PARD3B: variants seen among roughly 807,000 people sequenced by gnomAD.
PARD3B encodes the protein par-3 family cell polarity regulator beta.
PARD3B carries 103 observed loss-of-function variants against 130.2 expected under a neutral mutation model. The ratio of observed to expected loss-of-function variants is 0.79; its 90% CI spans 0.67 to 0.93. The LOEUF (loss-of-function observed/expected upper bound fraction) is 0.93, where lower values mean the gene tolerates loss of function less well. Among genes scored for constraint, PARD3B ranks in the 40% least tolerant of loss-of-function variants. PARD3B has a pLI of 0.00. For missense variants in PARD3B, 1,609 were observed against 1,499.2 expected, an observed-to-expected ratio of 1.07 and a Z score of -1.21; for synonymous variants, 583 against 553.2, an observed-to-expected ratio of 1.05 and a Z score of -0.76.
At chr2:205,087,087 T>A (rs753619357) in intron 4 of PARD3B, among the ~76,000 whole-genome samples, 12 of 152,202 alleles carry the variant, frequency 7.9e-5, no homozygotes, top group Non-Finnish European at 1.8e-4. Context: ...GCATTTTTAT[T>A]TTTTCATATT....
At chr2:205,286,221 A>C (rs2041390609) in intron 16 of PARD3B, among the ~76,000 whole-genome samples, 1 of 152,150 alleles carries the variant, frequency 6.6e-6, no homozygotes, top group Non-Finnish European at 1.5e-5. Flanking sequence ...GTTAACTTAG[A>C]CAAGTTACTT....
At chr2:205,102,573 A>C (rs1702857411) in intron 4 of PARD3B, among the ~76,000 whole-genome samples, 1 of 152,148 alleles carries the variant, frequency 6.6e-6, no homozygotes, top group Non-Finnish European at 1.5e-5. Flanking sequence ...AGTGTTCTTT[A>C]GCCTTATGGA....
At chr2:204,994,840 T>A (rs1388741594) in intron 3 of PARD3B, among the ~76,000 whole-genome samples, 2 of 151,592 alleles carry the variant, frequency 1.3e-5, no homozygotes, top group Non-Finnish European at 2.9e-5. Context: ...TGTAATGGCC[T>A]TCTTTGTCTC....
At chr2:205,519,293 A>G (rs911802112) in intron 21 of PARD3B, among the ~76,000 whole-genome samples, 10 of 152,008 alleles carry the variant, frequency 6.6e-5, no homozygotes. Flanking sequence ...TTTTTTCTCT[A>G]CTTTTGTCTG....
chr2:204,829,119 C>T (rs1164051102), intron 2 of PARD3B, among the ~76,000 whole-genome samples: 1 of 152,134 alleles, frequency 6.6e-6, no homozygotes, highest in Admixed American at 6.5e-5. Flanking sequence ...TGTTCTGAAA[C>T]ATAACTGTGA....
At chr2:204,549,462 C>T (rs1372091834) in intron 1 of PARD3B, among the ~76,000 whole-genome samples, 7 of 152,168 alleles carry the variant, frequency 4.6e-5, no homozygotes, top group Non-Finnish European at 7.3e-5. Flanking sequence ...CCTGCAGGGA[C>T]TCTCAACCCT....
At chr2:205,425,438 T>C (rs1372429643) in intron 19 of PARD3B, among the ~76,000 whole-genome samples, 3 of 152,014 alleles carry the variant, frequency 2.0e-5, no homozygotes, top group African/African-American at 2.4e-5. Context: ...TGGCAGTGTT[T>C]AGTAGCAATG....
intron 15 of PARD3B, among the ~76,000 whole-genome samples, chr2:205,217,846 G>A (rs56257549): frequency 0.58 from 50,254 of 87,392 alleles, 13,564 homozygotes; most frequent in Admixed American, 0.65. Flanking sequence ...GTGTGTATAT[G>A]TGTGTGTGTG....
chr2:204,727,360 C>T (rs1177161639), intron 2 of PARD3B, among the ~76,000 whole-genome samples: 2 of 152,182 alleles, frequency 1.3e-5, no homozygotes, highest in Admixed American at 1.3e-4. Context: ...TATCCAGAAT[C>T]CTGCAGTCAG....
chr2:205,604,527 G>C (rs960163898), intron 22 of PARD3B, among the ~76,000 whole-genome samples: 1 of 152,104 alleles, frequency 6.6e-6, no homozygotes, highest in Admixed American at 6.5e-5. Context: ...ATGAGATTTG[G>C]GTGGGGACAC....
rs188249982 is a variant in PARD3B, at chr2:205,023,648, A to G, written c.395-23933A>G. 3.5e-3 allele frequency among the ~76,000 whole-genome samples: 521 copies of G among 149,208 alleles called. 6 individuals are homozygous for G. Among genetic ancestry groups the G allele is most frequent in the African/African-American group, 0.012 (497 of 40,424 alleles). On this transcript the variant is annotated intron_variant, in intron 3 of 22. Coordinates refer to ENST00000406610, the MANE Select transcript of PARD3B (RefSeq NM_001302769.2). The stretch of plus-strand genomic sequence containing the variant: ...AGCTCCGGCTGTAGCTGGACTCCCA[A>G]TTCAATACTGCAGCCAGGAAATATT...
intron 3 of PARD3B, among the ~76,000 whole-genome samples, chr2:204,989,481 G>A (rs1025949411): frequency 6.6e-6 from 1 of 152,106 alleles, no homozygotes; most frequent in Non-Finnish European, 1.5e-5. Context: ...TGGTATGTAT[G>A]AAGAGAAGCA....
intron 16 of PARD3B, among the ~76,000 whole-genome samples, chr2:205,297,915 CTA>C (rs1398269488): frequency 1.3e-5 from 2 of 152,190 alleles, no homozygotes; most frequent in African/African-American, 4.8e-5. Flanking sequence ...ATTGCCAACT[CTA>C]TTAATCTTGC....
chr2:205,346,619 G>A (rs116595377), intron 18 of PARD3B, among the ~76,000 whole-genome samples: 2,044 of 152,232 alleles, frequency 0.013, 44 homozygotes, highest in African/African-American at 0.047. Flanking sequence ...GCTCTGTTAT[G>A]AGCACAAAGA....
chr2:205,006,371 C>A (rs762497113), intron 3 of PARD3B, among the ~76,000 whole-genome samples: 4 of 152,052 alleles, frequency 2.6e-5, no homozygotes, highest in African/African-American at 4.8e-5. Context: ...ACTTTTGTAT[C>A]CTTAAGAAAT....
At chr2:204,821,857 A>T (rs1429003089) in intron 2 of PARD3B, among the ~76,000 whole-genome samples, 1 of 152,114 alleles carries the variant, frequency 6.6e-6, no homozygotes, top group Non-Finnish European at 1.5e-5. Context: ...TGGAACTGTA[A>T]GTCCATTAAA....
At position 205,616,508 on chromosome 2, in the gene PARD3B, T is replaced by C. The variant is rs1317061896; in HGVS notation, c.*695T>C. 1 of 152,246 alleles carries C rather than the reference T, an allele frequency of 6.6e-6. No individual in the cohort carries two copies. The highest frequency in any genetic ancestry group is 1.5e-5 in the Non-Finnish European group (1 of 68,096). The allele number at this position is 152,246 out of a possible 1,614,324, so 9.4% of individuals were successfully genotyped here. Reference sequence around the variant, plus strand: ...TATGAAAGTCGGTAAAATGCAGTATTAGTCCCGGGAGGATGTGCACAGCTG... The same window carrying C: ...TATGAAAGTCGGTAAAATGCAGTATCAGTCCCGGGAGGATGTGCACAGCTG... On this transcript the variant is annotated 3_prime_UTR_variant, in exon 23 of 23. Transcript: ENST00000406610.
At chr2:204,679,722 C>T (rs1360032911) in intron 1 of PARD3B, among the ~76,000 whole-genome samples, 6 of 150,720 alleles carry the variant, frequency 4.0e-5, no homozygotes, top group Admixed American at 6.6e-5. Context: ...ATTGGTTTGC[C>T]TTATTTACTA....
chr2:204,605,572 T>C (rs568942640), intron 1 of PARD3B, among the ~76,000 whole-genome samples: 2 of 152,324 alleles, frequency 1.3e-5, no homozygotes, highest in South Asian at 4.1e-4. Context: ...GAAGACTGTT[T>C]AGACGGTCTA....
Sources: allele counts gnomAD v4.1 joint callset (sites outside exome capture counted in the v4.1 genomes callset), GRCh38; gene constraint gnomAD v4.1.1; transcripts MANE v1.5; gene names NCBI Gene and HGNC (gene_info 2026-07-23, HGNC 2026-07-21).